The following SLC8A1 variants were observed in gnomAD, a reference collection of about 807,000 sequenced individuals.
SLC8A1 encodes sodium/calcium exchanger 1.
SLC8A1 carries 18 observed loss-of-function variants against 68.3 expected under a neutral mutation model. The ratio of observed to expected loss-of-function variants is 0.26; its 90% CI spans 0.18 to 0.39. The LOEUF (loss-of-function observed/expected upper bound fraction) is 0.39, where lower values mean the gene tolerates loss of function less well. Ranked by LOEUF, SLC8A1 falls within the 10% of genes least tolerant of loss-of-function variation. The pLI, the probability that SLC8A1 is intolerant of heterozygous loss-of-function variation, is 1.00. For synonymous variants in SLC8A1, 475 were observed against 415.5 expected (o/e 1.14, Z -1.74); for missense variants, 985 against 1,156.7 (o/e 0.85, Z 2.15).
At chr2:40,203,085 G>A (rs777152294) in intron 2 of SLC8A1, among the ~76,000 whole-genome samples, 1 of 151,938 alleles carries the variant, frequency 6.6e-6, no homozygotes, top group African/African-American at 2.4e-5. Context: ...GCTCACAGTC[G>A]ATAAAACAAA....
chr2:40,133,572 T>G (rs773947195), intron 7 of SLC8A1, among the ~76,000 whole-genome samples: 2 of 151,934 alleles, frequency 1.3e-5, no homozygotes, highest in Non-Finnish European at 2.9e-5. Context: ...ATACCCAATT[T>G]TTAAGCTTTT....
At chr2:40,173,094 T>C (rs2047821010) in intron 4 of SLC8A1, among the ~76,000 whole-genome samples, 1 of 152,176 alleles carries the variant, frequency 6.6e-6, no homozygotes, top group South Asian at 2.1e-4. Flanking sequence ...TGCTGTTGGA[T>C]AGTACACTAT....
chr2:40,120,625 T>C (rs1046285997), intron 7 of SLC8A1: 1 of 152,226 alleles, frequency 6.6e-6, no homozygotes, highest in Non-Finnish European at 1.5e-5. Context: ...ACATAACCAC[T>C]CTTCACAATA....
intron 4 of SLC8A1, among the ~76,000 whole-genome samples, chr2:40,167,216 G>A (rs936038349): frequency 3.1e-4 from 47 of 152,072 alleles, no homozygotes; most frequent in African/African-American, 2.4e-5. Flanking sequence ...TGCTTAATTC[G>A]GTGCTGTTAG....
intron 2 of SLC8A1, among the ~76,000 whole-genome samples, chr2:40,179,071 C>T (rs1190550417): frequency 6.6e-6 from 1 of 151,970 alleles, no homozygotes; most frequent in Non-Finnish European, 1.5e-5. Flanking sequence ...TTCACCCCAC[C>T]CAATGTCTTA....
At chr2:40,368,290 T>C (rs921219684) in intron 2 of SLC8A1, among the ~76,000 whole-genome samples, 2 of 152,026 alleles carry the variant, frequency 1.3e-5, no homozygotes, top group African/African-American at 4.8e-5. Context: ...TACAATAATA[T>C]CATAAAAGAT....
intron 1 of SLC8A1, among the ~76,000 whole-genome samples, chr2:40,468,518 T>C (rs1703823437): frequency 6.6e-6 from 1 of 152,198 alleles, no homozygotes; most frequent in Admixed American, 6.5e-5. Context: ...CAATTCTCTA[T>C]TTTTAATTTC....
At chr2:40,374,739 C>A (rs921107537) in intron 2 of SLC8A1, among the ~76,000 whole-genome samples, 4 of 151,944 alleles carry the variant, frequency 2.6e-5, no homozygotes, top group African/African-American at 9.7e-5. Flanking sequence ...ATCAGCCTGG[C>A]CTGATACAGC....
At chr2:40,352,970 C>G (rs1193918259) in intron 2 of SLC8A1, among the ~76,000 whole-genome samples, 1 of 152,116 alleles carries the variant, frequency 6.6e-6, no homozygotes, top group African/African-American at 2.4e-5. Flanking sequence ...CAGGGCATAA[C>G]TCTCACTTAC....
intron 1 of SLC8A1, among the ~76,000 whole-genome samples, chr2:40,434,983 C>T (rs139515123): frequency 2.6e-4 from 39 of 152,232 alleles, no homozygotes; most frequent in Admixed American, 2.2e-3. Flanking sequence ...GTTGGCAGCA[C>T]GGTGACCATT....
intron 1 of SLC8A1, among the ~76,000 whole-genome samples, chr2:40,464,278 T>C (rs899762173): frequency 6.6e-6 from 1 of 152,224 alleles, no homozygotes; most frequent in Non-Finnish European, 1.5e-5. Flanking sequence ...GAAATATTGG[T>C]AGCCAATGTA....
chr2:40,279,145 G>C (rs1246610676), intron 2 of SLC8A1, among the ~76,000 whole-genome samples: 1 of 152,166 alleles, frequency 6.6e-6, no homozygotes, highest in East Asian at 1.9e-4. Flanking sequence ...GTTTACAGCT[G>C]TTGTCTCTTT....
At chr2:40,377,397 A>G (rs1163006134) in intron 2 of SLC8A1, among the ~76,000 whole-genome samples, 4 of 152,118 alleles carry the variant, frequency 2.6e-5, no homozygotes, top group African/African-American at 4.8e-5. Context: ...CCAGTTAAAC[A>G]CTGCATGGTC....
chr2:40,253,440 C>A (rs1204651040), intron 2 of SLC8A1, among the ~76,000 whole-genome samples: 1 of 151,648 alleles, frequency 6.6e-6, no homozygotes, highest in African/African-American at 2.4e-5. Flanking sequence ...TTGAAATAAG[C>A]AAGGCACAGA....
intron 5 of SLC8A1, among the ~76,000 whole-genome samples, chr2:40,161,294 G>C (rs2045637595): frequency 6.6e-6 from 1 of 152,082 alleles, no homozygotes; most frequent in South Asian, 2.1e-4. Context: ...AAAAAATATT[G>C]CTATTGTATT....
At chr2:40,126,635 G>C (rs2038161159) in intron 7 of SLC8A1, among the ~76,000 whole-genome samples, 1 of 152,130 alleles carries the variant, frequency 6.6e-6, no homozygotes. Flanking sequence ...GGTGGGGGAG[G>C]ACACAGATTA....
chr2:40,286,559 G>A (rs1193316643), intron 2 of SLC8A1, among the ~76,000 whole-genome samples: 1 of 152,132 alleles, frequency 6.6e-6, no homozygotes, highest in Non-Finnish European at 1.5e-5. Context: ...TCACCTTAAC[G>A]ACTGGTCTGT....
At chr2:40,280,251 TAAAAAAA>T (rs67427562) in intron 2 of SLC8A1, among the ~76,000 whole-genome samples, 6 of 94,472 alleles carry the variant, frequency 6.4e-5, no homozygotes, top group African/African-American at 1.7e-4. Flanking sequence ...AAATAAACAC[TAAAAAAA>T]AAAAAAAAAA....
chr2:40,451,747 A>AT (rs1702549847), intron 1 of SLC8A1, among the ~76,000 whole-genome samples, 157 bp downstream of exon 1: 1 of 130,736 alleles, frequency 7.6e-6, no homozygotes, highest in South Asian at 2.3e-4. Context: ...TCACACACAC[A>AT]CACACACACA....
Sources: gnomAD v4.1 joint callset for allele counts (sites outside exome capture counted in the v4.1 genomes callset) on GRCh38, gnomAD v4.1.1 for gene constraint, MANE v1.5 for transcripts, NCBI Gene and HGNC (gene_info 2026-07-23, HGNC 2026-07-21) for gene names.